Variants in GPR21 observed in about 807,000 individuals in gnomAD.
GPR21 encodes G protein-coupled receptor 21.
Under a neutral mutation model 21.5 loss-of-function variants are expected in GPR21, and 9 were observed. That is an observed-to-expected ratio of 0.42 (90% CI 0.25 to 0.73). The LOEUF is 0.73. Ranked by LOEUF, GPR21 falls within the 30% of genes least tolerant of loss-of-function variation. GPR21 has a pLI of 0.27. For synonymous variants in GPR21, 169 were observed against 159.3 expected, an observed-to-expected ratio of 1.06 and a Z score of -0.46; for missense variants, 416 against 428.9, an observed-to-expected ratio of 0.97 and a Z score of 0.27.
In GPR21 at chr9:123,035,493, T is replaced by C. The variant is rs1277700685; in HGVS notation, c.927T>C (p.Ser309=). ...GTGTAATTTATAGTCTCTCCAACAGTGTATTCCAAAGAGGACTAAAGCGCC... is the reference window on the plus strand; with the variant it reads ...GTGTAATTTATAGTCTCTCCAACAGCGTATTCCAAAGAGGACTAAAGCGCC... The part of the protein sequence containing the change: ...CNCVIYSLSN[S]VFQRGLKRLS... Residue 309 remains serine (S), a synonymous_variant, in exon 2 of 2, where the codon AGT becomes AGC. Coordinates refer to ENST00000616002, the MANE Select transcript of GPR21 (RefSeq NM_005294.3). The C allele has an allele frequency of 1.9e-6, 3 of 1,613,968 alleles. No homozygotes were observed. The highest frequency in any genetic ancestry group is 1.7e-5 in the Admixed American group (1 of 59,988).
downstream of GPR21, among the ~76,000 whole-genome samples, chr9:123,036,760 CTT>C (rs2032683949): frequency 6.6e-6 from 1 of 150,678 alleles, no homozygotes; most frequent in Middle Eastern, 3.5e-3. Context: ...ACTTAAGTCT[CTT>C]ATTGCTATTT....
downstream of GPR21, among the ~76,000 whole-genome samples, chr9:123,038,746 A>G (rs542808794): frequency 7.1e-4 from 107 of 151,282 alleles, no homozygotes; most frequent in South Asian, 0.021. Flanking sequence ...AAGTATTTAT[A>G]TTAAATTTAT....
At chr9:123,035,846 T>G, downstream of GPR21, 1 of 471,104 alleles carries the variant, frequency 2.1e-6, no homozygotes, top group Non-Finnish European at 3.7e-6. Context: ...GAAGACAAAT[T>G]GCTCTTGCTC....
chr9:123,035,259 C>T lies in GPR21; in HGVS notation c.693C>T (p.Arg231=). ...HTKDISERQA[R]FSSQSGETGE... ...AGGATATCAGCGAAAGGCAAGCCCG[C>T]TTCAGCAGCCAGAGTGGGGAGACTG... Residue 231 remains arginine (R), a synonymous_variant, in exon 2 of 2, where the codon CGC becomes CGT. Coordinates refer to ENST00000616002, the MANE Select transcript of GPR21 (RefSeq NM_005294.3). 6.2e-7 allele frequency: 1 copy of T among 1,614,164 alleles called. No homozygotes were observed. Among genetic ancestry groups the T allele is most frequent in the Non-Finnish European group, 8.5e-7 (1 of 1,180,016 alleles).
downstream of GPR21, among the ~76,000 whole-genome samples, chr9:123,039,916 A>G (rs926551234): frequency 7.9e-5 from 12 of 152,036 alleles, no homozygotes; most frequent in African/African-American, 2.7e-4. Context: ...TTTTCTTACC[A>G]CACTATTGGT....
the GPR21 span, among the ~76,000 whole-genome samples, chr9:123,047,919 GTT>G: frequency 4.8e-4 from 30 of 62,280 alleles, no homozygotes; most frequent in African/African-American, 1.3e-3. Flanking sequence ...CAGCTGCTGG[GTT>G]TTTTTTTTTT....
chr9:123,034,600 C>T lies in GPR21; in HGVS notation c.34C>T (p.His12Tyr). ...NSTLDGNQSS[H>Y]PFCLLAFGYL... ...CACCTTGGATGGTAATCAGAGCAGCCACCCTTTTTGCCTCTTGGCATTTGG... is the reference window on the plus strand; with the variant it reads ...CACCTTGGATGGTAATCAGAGCAGCTACCCTTTTTGCCTCTTGGCATTTGG... Residue 12 changes from histidine (H) to tyrosine (Y), a missense_variant, in exon 2 of 2, where the codon CAC becomes TAC. By Grantham distance (83) the His-to-Tyr change is moderately conservative. Transcript: ENST00000616002. 1 of 1,611,792 alleles carries T rather than the reference C, an allele frequency of 6.2e-7. No individual in the cohort carries two copies. The highest frequency in any genetic ancestry group is 1.1e-5 in the South Asian group (1 of 90,560).
downstream of GPR21, among the ~76,000 whole-genome samples, chr9:123,036,334 G>T (rs1219287019): frequency 6.6e-6 from 1 of 152,210 alleles, no homozygotes; most frequent in Non-Finnish European, 1.5e-5. Context: ...AAAGATATGT[G>T]TGCGTAGAAG....
chr9:123,048,888 T>G, the GPR21 span, among the ~76,000 whole-genome samples: 2 of 152,348 alleles, frequency 1.3e-5, no homozygotes, highest in South Asian at 2.1e-4. Context: ...CATTTATGTC[T>G]TATTTATACA....
downstream of GPR21, among the ~76,000 whole-genome samples, chr9:123,038,860 C>T (rs1588314304): frequency 6.6e-6 from 1 of 151,892 alleles, no homozygotes; most frequent in East Asian, 1.9e-4. Context: ...GACAAAAGGG[C>T]ATCATATAGT....
chr9:123,044,593 C>T, the GPR21 span, among the ~76,000 whole-genome samples: 2 of 151,572 alleles, frequency 1.3e-5, no homozygotes, highest in Non-Finnish European at 2.9e-5. Context: ...CCTTCTTTGA[C>T]ATCGTGGGAA....
chr9:123,040,420 G>T (rs1193813056), downstream of GPR21, among the ~76,000 whole-genome samples: 1 of 152,186 alleles, frequency 6.6e-6, no homozygotes, highest in Non-Finnish European at 1.5e-5. Flanking sequence ...ACATGGTTCT[G>T]TAATGTGAAC....
At chr9:123,038,600 T>C (rs577991407), downstream of GPR21, among the ~76,000 whole-genome samples, 7 of 152,266 alleles carry the variant, frequency 4.6e-5, no homozygotes, top group East Asian at 1.4e-3. Context: ...CCAAAATGTA[T>C]TGTTACATGA....
chr9:123,044,526 T>G, the GPR21 span, among the ~76,000 whole-genome samples: 1 of 152,116 alleles, frequency 6.6e-6, no homozygotes, highest in African/African-American at 2.4e-5. Flanking sequence ...TTTGGAACTT[T>G]TCAGATTTTG....
In GPR21 at chr9:123,034,467, C is replaced by T. The variant is rs2032497061; in HGVS notation, c.-100C>T. 1.4e-6 allele frequency: 1 copy of T among 733,674 alleles called. No homozygotes were observed. The highest frequency in any genetic ancestry group is 2.3e-6 in the Non-Finnish European group (1 of 430,846). 45.4% of individuals were successfully genotyped at this position (733,674 alleles called of 1,614,324 possible). A position where few individuals can be genotyped will look rare whatever the true frequency, so the allele number is the denominator to read the frequency against. On this transcript the variant is annotated 5_prime_UTR_variant, in exon 2 of 2. Transcript: ENST00000616002. The stretch of plus-strand genomic sequence containing the variant: ...GAGTAAGGCTCCTCTGGCATTATTA[C>T]ACACATGCAAAGCTGACCGCAATGA...
At chr9:123,044,941 G>T in the GPR21 span, among the ~76,000 whole-genome samples, 1 of 152,056 alleles carries the variant, frequency 6.6e-6, no homozygotes, top group Non-Finnish European at 1.5e-5. Context: ...ACAGACTAAA[G>T]ACTGTAATGA....
chr9:123,034,323 C>T lies in GPR21; in HGVS notation c.-244C>T, dbSNP rs993000812. 2.2e-5 allele frequency: 12 copies of T among 541,470 alleles called. No homozygotes were observed. The highest frequency in any genetic ancestry group is 1.9e-4 in the African/African-American group (10 of 52,642). 33.5% of individuals were successfully genotyped at this position (541,470 alleles called of 1,614,324 possible). On this transcript the variant is annotated 5_prime_UTR_variant, in exon 2 of 2. Coordinates refer to ENST00000616002, the MANE Select transcript of GPR21 (RefSeq NM_005294.3). ...TGCTATGTGTATGGTGAACCTGGCA[C>T]TATGGCCGCGTCTGGGACTGGCCAG...
chr9:123,035,638 CCGTGTGTGTGTGTG>C lies in GPR21; in HGVS notation c.*23_*36del. 3 of 1,159,200 alleles carry C rather than the reference CCGTGTGTGTGTGTG, an allele frequency of 2.6e-6. No homozygotes were observed. Among genetic ancestry groups the C allele is most frequent in the African/African-American group, 1.7e-5 (1 of 58,494 alleles). The allele number at this position is 1,159,200 out of a possible 1,614,324, so 71.8% of individuals were successfully genotyped here. ...CTGAAGTGGCTCAGTTACGGGGTTC[CCGTGTGTGTGTGTG>C]TGTGTGTGTGTGTGTGTGTGTGTGT... On this transcript the variant is annotated 3_prime_UTR_variant, in exon 2 of 2. Coordinates refer to ENST00000616002, the MANE Select transcript of GPR21 (RefSeq NM_005294.3).
chr9:123,044,733 C>T, the GPR21 span, among the ~76,000 whole-genome samples: 4 of 151,776 alleles, frequency 2.6e-5, no homozygotes, highest in African/African-American at 7.3e-5. Context: ...GAGAGGAATG[C>T]AAAATGCCAT....
Sources: allele counts gnomAD v4.1 joint callset (sites outside exome capture counted in the v4.1 genomes callset), GRCh38; gene constraint gnomAD v4.1.1; transcripts MANE v1.5; gene names NCBI Gene and HGNC (gene_info 2026-07-23, HGNC 2026-07-21).